CDKN2B-AS1: variants seen among roughly 807,000 people sequenced by gnomAD.
CDKN2B-AS1 encodes CDKN2B antisense RNA 1 (non-protein coding).
intron 4 of CDKN2B-AS1, among the ~76,000 whole-genome samples, chr9:22,056,997 A>G (rs960556287): frequency 1.3e-5 from 2 of 152,140 alleles, no homozygotes; most frequent in African/African-American, 4.8e-5. Context: ...GGATTAATCT[A>G]GATTTAGTCA....
intron 4 of CDKN2B-AS1, among the ~76,000 whole-genome samples, chr9:22,097,575 C>T (rs953397229): frequency 6.6e-6 from 1 of 152,180 alleles, no homozygotes; most frequent in Admixed American, 6.5e-5. Flanking sequence ...CTAGCTTTTG[C>T]TTTCCGTACA....
At chr9:22,073,761 C>A (rs374950259) in intron 4 of CDKN2B-AS1, among the ~76,000 whole-genome samples, 4 of 152,036 alleles carry the variant, frequency 2.6e-5, no homozygotes, top group African/African-American at 9.7e-5. Flanking sequence ...AACCAGTGTT[C>A]CTTTGACTGT....
intron 4 of CDKN2B-AS1, among the ~76,000 whole-genome samples, chr9:22,105,285 A>T (rs1010545199): frequency 2.0e-5 from 3 of 152,190 alleles, no homozygotes; most frequent in Non-Finnish European, 4.4e-5. Context: ...TTCAGTGCAT[A>T]TTCTGGTTTT....
chr9:22,091,889 C>T (rs1825100603), intron 4 of CDKN2B-AS1, among the ~76,000 whole-genome samples: 1 of 152,126 alleles, frequency 6.6e-6, no homozygotes, highest in Non-Finnish European at 1.5e-5. Context: ...GAGGGCATCC[C>T]TGTCTTGTGC....
In CDKN2B-AS1 at chr9:22,006,190, G is replaced by T. The variant is rs368412874; in HGVS notation, n.29+11029G>T. 3 of 1,608,962 alleles carry T rather than the reference G, an allele frequency of 1.9e-6. No individual in the cohort carries two copies. The highest frequency in any genetic ancestry group is 1.7e-6 in the Non-Finnish European group (2 of 1,179,784). ...AGAGTGGCAGGGTCTGCGCAGTTGGGCTCCGCGCCGTGGAGCAGCAGCAGC... is the reference window on the plus strand; with the variant it reads ...AGAGTGGCAGGGTCTGCGCAGTTGGTCTCCGCGCCGTGGAGCAGCAGCAGC... On this transcript the variant is annotated intron_variant and non_coding_transcript_variant, in intron 1 of 4. Coordinates refer to ENST00000650946, the Ensembl canonical transcript of CDKN2B-AS1. This position sits in a 1 kb window ranked among gnomAD's most constrained non-coding sequence, Gnocchi z 6.4.
intron 3 of CDKN2B-AS1, among the ~76,000 whole-genome samples, chr9:22,054,234 C>T (rs1161826566): frequency 1.3e-5 from 2 of 152,186 alleles, no homozygotes; most frequent in East Asian, 1.9e-4. Flanking sequence ...TTCTCAAGGT[C>T]GCACAGCTAC....
chr9:22,030,562 A>T (rs2131244874), intron 1 of CDKN2B-AS1: 1 of 152,308 alleles, frequency 6.6e-6, no homozygotes, highest in South Asian at 2.1e-4. Context: ...AGGTATGGAC[A>T]TAGTGAATGG....
chr9:22,067,781 T>C (rs1422910747), intron 4 of CDKN2B-AS1, among the ~76,000 whole-genome samples: 1 of 152,202 alleles, frequency 6.6e-6, no homozygotes, highest in African/African-American at 2.4e-5. Context: ...TCTTAAGTGG[T>C]AGCTTTATGT....
chr9:22,032,155 G>A (rs543338149), intron 1 of CDKN2B-AS1, among the ~76,000 whole-genome samples: 4 of 151,944 alleles, frequency 2.6e-5, no homozygotes, highest in Non-Finnish European at 4.4e-5. Context: ...GTTTTTTTTG[G>A]GGGGAGAATG....
chr9:22,098,450 A>G (rs1825366635), intron 4 of CDKN2B-AS1, among the ~76,000 whole-genome samples: 1 of 151,848 alleles, frequency 6.6e-6, no homozygotes, highest in Non-Finnish European at 1.5e-5. Context: ...ATGCTTTCTG[A>G]AACAACACGA....
intron 4 of CDKN2B-AS1, among the ~76,000 whole-genome samples, chr9:22,116,196 A>T (rs977804031): frequency 2.0e-5 from 3 of 152,236 alleles, no homozygotes; most frequent in Non-Finnish European, 4.4e-5. Context: ...GTGATGAGAC[A>T]CAAGGTAGTC....
At chr9:22,103,712 A>C (rs1308385408) in intron 4 of CDKN2B-AS1, among the ~76,000 whole-genome samples, 2 of 152,246 alleles carry the variant, frequency 1.3e-5, no homozygotes, top group Non-Finnish European at 2.9e-5. Context: ...TGCTTTTAAA[A>C]CAATTTATTT....
rs1322783690 is a variant in CDKN2B-AS1 at position 22,094,103 on chromosome 9, C to T, written n.439-33000C>T. The stretch of plus-strand genomic sequence containing the variant: ...GCTTAGTTTGGCTGGATATGAAATT[C>T]TGGGTTGAAAATTCTTTTCTTTAAG... On this transcript the variant is annotated intron_variant and non_coding_transcript_variant, in intron 4 of 4. Coordinates refer to ENST00000650946, the Ensembl canonical transcript of CDKN2B-AS1. Among the ~76,000 whole-genome samples, 19 of 144,096 alleles carry T rather than the reference C, an allele frequency of 1.3e-4. 1 individual carries two copies. Among genetic ancestry groups the T allele is most frequent in the Non-Finnish European group, 2.1e-4 (14 of 67,814 alleles). The allele number at this position is 144,096 out of a possible 152,430, so 94.5% of individuals were successfully genotyped here. A position where few individuals can be genotyped will look rare whatever the true frequency, so the allele number is the denominator to read the frequency against.
intron 4 of CDKN2B-AS1, among the ~76,000 whole-genome samples, chr9:22,099,741 A>G (rs181475598): frequency 1.6e-5 from 2 of 123,584 alleles, no homozygotes; most frequent in African/African-American, 5.1e-5. Flanking sequence ...GGTATTAATT[A>G]TTAAGTAAAA....
chr9:22,013,474 G>A (rs141537528), intron 1 of CDKN2B-AS1, among the ~76,000 whole-genome samples: 1,561 of 151,968 alleles, frequency 0.01, 21 homozygotes, highest in Non-Finnish European at 0.013. Context: ...TAAGGGACAG[G>A]TTTCATTCAC....
intron 4 of CDKN2B-AS1, among the ~76,000 whole-genome samples, chr9:22,100,751 G>A (rs1825455822): frequency 1.3e-5 from 2 of 152,158 alleles, no homozygotes; most frequent in East Asian, 1.9e-4. Context: ...GGCTGTAACA[G>A]TTTACACTTC....
At chr9:22,016,782 T>C (rs1046735538) in intron 1 of CDKN2B-AS1, among the ~76,000 whole-genome samples, 1 of 152,214 alleles carries the variant, frequency 6.6e-6, no homozygotes, top group Non-Finnish European at 1.5e-5. Flanking sequence ...CCTTACACCT[T>C]ATACAAAAAT....
In CDKN2B-AS1 at chr9:22,012,699, C is replaced by A. The variant is rs555604040; in HGVS notation, n.29+17538C>A. Among the ~76,000 whole-genome samples, 34 of 152,022 alleles carry A rather than the reference C, an allele frequency of 2.2e-4. 1 individual carries two copies. In the South Asian group the frequency reaches 7.1e-3, roughly 32 times the overall value. On this transcript the variant is annotated intron_variant and non_coding_transcript_variant, in intron 1 of 4. Transcript: ENST00000650946. ...CTAACCTTGCCCTCATTTATGCACA[C>A]TTTTGCATATGATTAGGACTAAGAT...
intron 3 of CDKN2B-AS1, among the ~76,000 whole-genome samples, chr9:22,050,143 T>G (rs920777262): frequency 1.3e-5 from 2 of 152,216 alleles, no homozygotes; most frequent in African/African-American, 4.8e-5. Flanking sequence ...TACACATACA[T>G]GCACACACAT....
Sources: gnomAD v4.1 joint callset for allele counts (sites outside exome capture counted in the v4.1 genomes callset) on GRCh38, gnomAD v4.1.1 for gene constraint, Gnocchi (gnomAD v3.1) non-coding constraint, MANE v1.5 for transcripts, NCBI Gene and HGNC (gene_info 2026-07-23, HGNC 2026-07-21) for gene names.